Variants in DOCK9 observed in about 807,000 individuals in gnomAD.
DOCK9 encodes dedicator of cytokinesis 9, also known as dedicator of cytokinesis protein 9.
DOCK9 carries 89 observed loss-of-function variants against 263.3 expected under a neutral mutation model. That is an observed-to-expected ratio of 0.34 (90% CI 0.28 to 0.40). The LOEUF is 0.40. Ranked by LOEUF, DOCK9 falls within the 10% of genes least tolerant of loss-of-function variation. The pLI, the probability that DOCK9 is intolerant of heterozygous loss-of-function variation, is 1.00. For synonymous variants in DOCK9, 976 were observed against 973.1 expected, an observed-to-expected ratio of 1.00 and a Z score of -0.06; for missense variants, 2,140 against 2,603.4, an observed-to-expected ratio of 0.82 and a Z score of 3.87.
In DOCK9 at chr13:98,805,204, G is replaced by C. The variant is rs762866339; in HGVS notation, c.5520C>G (p.Asn1840Lys). The change falls in exon 49 of 53, where the codon AAC (asparagine) becomes AAG (lysine). Residue 1840 changes from asparagine to lysine, a missense_variant. Coordinates refer to ENST00000682017, the MANE Select transcript of DOCK9 (RefSeq NM_001366683.2). The stretch of plus-strand genomic sequence containing the variant: ...CATACTTAGAATCCAGATCCTTAGG[G>C]TTGACCTTTAATTGAAACAGCACAA... ...VKMIQDSGKVNPKDLDSKYAY... is the reference protein window; with the variant it reads ...VKMIQDSGKVKPKDLDSKYAY... The C allele has an allele frequency of 5.0e-6, 8 of 1,593,592 alleles. No individual in the cohort carries two copies. The highest frequency in any genetic ancestry group is 6.8e-6 in the Non-Finnish European group (8 of 1,168,478).
chr13:98,797,359 A>T, intron 51 of DOCK9, 30 bp downstream of exon 51: 1 of 1,610,164 alleles, frequency 6.2e-7, no homozygotes, highest in South Asian at 1.1e-5. Flanking sequence ...CAATACTCGA[A>T]GAGAAAAAGA....
chr13:98,861,695 A>C (rs2093875402), intron 32 of DOCK9, among the ~76,000 whole-genome samples: 1 of 152,254 alleles, frequency 6.6e-6, no homozygotes, highest in African/African-American at 2.4e-5. Context: ...AAAAACAATC[A>C]TATGAAAGGT....
intron 1 of DOCK9, among the ~76,000 whole-genome samples, chr13:99,031,701 C>T (rs1887362428): frequency 6.6e-6 from 1 of 152,144 alleles, no homozygotes; most frequent in South Asian, 2.1e-4. Context: ...ATCCCAGGCC[C>T]CCTAGCAAAA....
intron 3 of DOCK9, among the ~76,000 whole-genome samples, chr13:98,926,233 C>A (rs1169379261): frequency 6.6e-6 from 1 of 152,164 alleles, no homozygotes; most frequent in Admixed American, 6.5e-5. Flanking sequence ...TCAGAGTAAG[C>A]ACCTGGTTCT....
At chr13:98,935,195 T>G (rs1228021914) in intron 2 of DOCK9, among the ~76,000 whole-genome samples, 1 of 152,024 alleles carries the variant, frequency 6.6e-6, no homozygotes, top group Non-Finnish European at 1.5e-5. Context: ...CAGTACAAAA[T>G]GAAGAGAAAC....
In DOCK9 at chr13:99,019,867, G is replaced by A. The variant is rs1327985263; in HGVS notation, c.130-64316C>T. On this transcript the variant is annotated intron_variant, in intron 1 of 32. Transcript: ENST00000427887. ...TGTAATCCTGGCACTTTGGGAGGCC[G>A]AGGCGGGCAGATCACCTGAGGTCAG... Among the ~76,000 whole-genome samples the A allele has an allele frequency of 7.2e-5, 11 of 152,222 alleles. No individual in the cohort carries two copies. The East Asian group carries it at 1.5e-3, about 21-fold the overall frequency.
At chr13:98,884,293 G>A (rs1299206575) in intron 21 of DOCK9, among the ~76,000 whole-genome samples, 3 of 152,228 alleles carry the variant, frequency 2.0e-5, no homozygotes, top group Non-Finnish European at 4.4e-5. Context: ...AGGGTCAATC[G>A]TCTGCTCACA....
upstream of DOCK9, among the ~76,000 whole-genome samples, chr13:98,982,218 C>T (rs1288435160): frequency 6.6e-6 from 1 of 152,170 alleles, no homozygotes; most frequent in East Asian, 1.9e-4. Flanking sequence ...GAAAACCTCA[C>T]AGGAAATTTA....
intron 38 of DOCK9, among the ~76,000 whole-genome samples, chr13:98,839,414 C>T (rs1273287881): frequency 6.6e-6 from 1 of 152,106 alleles, no homozygotes; most frequent in Admixed American, 6.5e-5. Context: ...ACAAACAGGT[C>T]GATGATGACT....
intron 30 of DOCK9, among the ~76,000 whole-genome samples, chr13:98,864,042 T>C (rs907922045): frequency 6.6e-6 from 1 of 152,234 alleles, no homozygotes; most frequent in African/African-American, 2.4e-5. Flanking sequence ...TGGTCATTAA[T>C]GTCTATATAC....
intron 1 of DOCK9, among the ~76,000 whole-genome samples, chr13:99,060,916 T>C (rs142928834): frequency 2.6e-5 from 4 of 152,348 alleles, no homozygotes; most frequent in African/African-American, 7.2e-5. Flanking sequence ...AGTGAATGCA[T>C]GTTAAATAAA....
intron 38 of DOCK9, among the ~76,000 whole-genome samples, chr13:98,843,657 G>A (rs1376144661): frequency 6.6e-6 from 1 of 152,224 alleles, no homozygotes; most frequent in Non-Finnish European, 1.5e-5. Flanking sequence ...TGTGACTGAG[G>A]ACAGTATGCC....
chr13:99,046,241 C>A (rs1179601759), intron 1 of DOCK9, among the ~76,000 whole-genome samples: 1 of 152,224 alleles, frequency 6.6e-6, no homozygotes, highest in East Asian at 1.9e-4. Flanking sequence ...AGCCGAGCGA[C>A]CTCCCACCTG....
At chr13:98,970,291 C>A (rs917372695) in intron 1 of DOCK9, among the ~76,000 whole-genome samples, 1 of 152,192 alleles carries the variant, frequency 6.6e-6, no homozygotes, top group Non-Finnish European at 1.5e-5. Flanking sequence ...AGCTACCACG[C>A]CCCACCCGTC....
At chr13:98,869,738 A>C (rs2094139168) in intron 27 of DOCK9, among the ~76,000 whole-genome samples, 1 of 152,214 alleles carries the variant, frequency 6.6e-6, no homozygotes, top group Non-Finnish European at 1.5e-5. Flanking sequence ...GCCAGACTAT[A>C]TTTTCCAGTC....
chr13:98,998,002 C>T (rs1881431400), intron 1 of DOCK9, among the ~76,000 whole-genome samples: 1 of 152,192 alleles, frequency 6.6e-6, no homozygotes, highest in Admixed American at 6.5e-5. Flanking sequence ...TCTGCTCTTC[C>T]AAGATTTGCT....
intron 1 of DOCK9, among the ~76,000 whole-genome samples, chr13:98,967,053 G>C (rs1301115084): frequency 6.6e-6 from 1 of 152,184 alleles, no homozygotes; most frequent in East Asian, 1.9e-4. Flanking sequence ...CACTCTACTA[G>C]TCCATCTACT....
At chr13:98,887,966 G>C (rs2046045024) in intron 18 of DOCK9, among the ~76,000 whole-genome samples, 192 bp downstream of exon 18, 1 of 152,114 alleles carries the variant, frequency 6.6e-6, no homozygotes, top group Admixed American at 6.5e-5. Context: ...CAGTCAATTA[G>C]GAGCCAGAAC....
chr13:98,921,935 G>C (rs2052076610), intron 6 of DOCK9, 116 bp downstream of exon 6: 1 of 923,260 alleles, frequency 1.1e-6, no homozygotes, highest in African/African-American at 1.6e-5. Context: ...CTAGGAATCA[G>C]ACAATGTCCC....
Sources: allele counts gnomAD v4.1 joint callset (sites outside exome capture counted in the v4.1 genomes callset), GRCh38; gene constraint gnomAD v4.1.1; transcripts MANE v1.5; gene names NCBI Gene and HGNC (gene_info 2026-07-23, HGNC 2026-07-21).